ARL15: variants seen among roughly 807,000 people sequenced by gnomAD.
ARL15 encodes the protein ARF like GTPase 15, also known as ADP-ribosylation factor-like protein 15.
In ARL15, 19 loss-of-function variants were observed where a neutral mutation model predicts 25.2. That is an observed-to-expected ratio of 0.75 (90% confidence interval 0.53 to 1.10). ARL15 has a LOEUF of 1.10. Ranked by LOEUF, ARL15 falls within the 50% of genes least tolerant of loss-of-function variation. The probability of loss-of-function intolerance (pLI) is 0.00; values close to 1 mark genes in which losing one functional copy is unlikely to be tolerated. For synonymous variants in ARL15, 94 were observed against 86.8 expected (o/e 1.08, Z -0.46); for missense variants, 220 against 246.0 (o/e 0.89, Z 0.71).
intron 1 of ARL15, among the ~76,000 whole-genome samples, chr5:54,301,430 C>T (rs1344297316): frequency 6.6e-6 from 1 of 152,080 alleles, no homozygotes; most frequent in Non-Finnish European, 1.5e-5. Flanking sequence ...ATAGTGGTCA[C>T]CACTGAGAAG....
At chr5:54,083,527 T>C (rs1281724868) in intron 4 of ARL15, among the ~76,000 whole-genome samples, 1 of 152,204 alleles carries the variant, frequency 6.6e-6, no homozygotes, top group Non-Finnish European at 1.5e-5. Flanking sequence ...TATATACTGT[T>C]GCTTTGGGTC....
intron 4 of ARL15, among the ~76,000 whole-genome samples, chr5:54,058,016 A>ATTTT (rs869259794): frequency 2.4e-4 from 15 of 62,514 alleles, no homozygotes; most frequent in African/African-American, 6.0e-4. Context: ...TTATTTATTT[A>ATTTT]TTTTTTTTGA....
At chr5:54,069,731 TCTGCCTCCTGGATTCAAGCAATTCTC>T (rs1218741610) in intron 4 of ARL15, among the ~76,000 whole-genome samples, 49 of 151,872 alleles carry the variant, frequency 3.2e-4, no homozygotes, top group South Asian at 1.0e-3. Flanking sequence ...CACTGCAACC[TCTGCCTCCTGGATTCAAGCAATTCTC>T]CTGCCTCCTG....
chr5:54,086,248 C>T (rs1006394814), intron 4 of ARL15, among the ~76,000 whole-genome samples: 1 of 152,138 alleles, frequency 6.6e-6, no homozygotes, highest in Non-Finnish European at 1.5e-5. Flanking sequence ...GATACTTCAG[C>T]TAATCTGGGA....
chr5:54,166,339 C>T (rs1388913678), intron 2 of ARL15, among the ~76,000 whole-genome samples: 1 of 151,984 alleles, frequency 6.6e-6, no homozygotes, highest in East Asian at 1.9e-4. Flanking sequence ...GGACTACAGG[C>T]AAGCACCAAC....
intron 3 of ARL15, among the ~76,000 whole-genome samples, chr5:54,113,790 G>C (rs1437432372): frequency 6.6e-5 from 10 of 152,178 alleles, no homozygotes; most frequent in Admixed American, 5.2e-4. Context: ...ACCTGCCTCA[G>C]AGAGCTGCAT....
chr5:54,176,574 G>A (rs1245552236), intron 1 of ARL15, among the ~76,000 whole-genome samples: 3 of 152,096 alleles, frequency 2.0e-5, no homozygotes, highest in African/African-American at 7.2e-5. Context: ...TTTCACTGTT[G>A]TACAATGCGA....
At chr5:54,072,909 A>G (rs529103537) in intron 4 of ARL15, among the ~76,000 whole-genome samples, 1 of 152,284 alleles carries the variant, frequency 6.6e-6, no homozygotes, top group East Asian at 1.9e-4. Flanking sequence ...CACGCTGAAG[A>G]TGGTATCCTA....
intron 1 of ARL15, among the ~76,000 whole-genome samples, chr5:54,296,304 G>T (rs918368903): frequency 6.6e-6 from 1 of 152,174 alleles, no homozygotes; most frequent in African/African-American, 2.4e-5. Flanking sequence ...AGTACTTACA[G>T]AATTAGGCTC....
intron 4 of ARL15, among the ~76,000 whole-genome samples, chr5:53,913,883 A>G (rs1745542379): frequency 6.6e-6 from 1 of 152,124 alleles, no homozygotes; most frequent in African/African-American, 2.4e-5. Context: ...GCAAGTATTC[A>G]CGCTATCTTG....
chr5:54,229,452 C>A (rs930908786), intron 1 of ARL15, among the ~76,000 whole-genome samples: 2 of 152,056 alleles, frequency 1.3e-5, no homozygotes, highest in African/African-American at 4.8e-5. Context: ...AGCAAGCACA[C>A]AAATCAGAAT....
At chr5:53,896,389 C>G (rs1198058816) in intron 4 of ARL15, among the ~76,000 whole-genome samples, 1 of 151,968 alleles carries the variant, frequency 6.6e-6, no homozygotes, top group East Asian at 1.9e-4. Flanking sequence ...AAAGACTTTT[C>G]ATTAAGGAAA....
At chr5:54,026,314 G>C (rs927498085) in intron 4 of ARL15, among the ~76,000 whole-genome samples, 6 of 152,062 alleles carry the variant, frequency 3.9e-5, no homozygotes, top group African/African-American at 1.5e-4. Flanking sequence ...TGTCACCCAG[G>C]CTAGAGTGCA....
At chr5:54,113,085 C>A in intron 4 of ARL15, 117 bp downstream of exon 4, 1 of 998,374 alleles carries the variant, frequency 1.0e-6, no homozygotes, top group Non-Finnish European at 1.4e-6. Context: ...ACTAAGGTTT[C>A]ATGTTGAAAG....
At chr5:54,299,039 G>T (rs1758544462) in intron 1 of ARL15, among the ~76,000 whole-genome samples, 1 of 151,852 alleles carries the variant, frequency 6.6e-6, no homozygotes, top group South Asian at 2.1e-4. Flanking sequence ...AGGTAATTGG[G>T]GCCACCGGTG....
intron 1 of ARL15, among the ~76,000 whole-genome samples, chr5:54,241,287 C>G (rs945517304): frequency 2.0e-5 from 3 of 152,050 alleles, no homozygotes; most frequent in Non-Finnish European, 4.4e-5. Flanking sequence ...TAAAAAATCC[C>G]TAATCCAGAT....
intron 4 of ARL15, among the ~76,000 whole-genome samples, chr5:53,894,444 C>G (rs949423863): frequency 6.6e-6 from 1 of 152,162 alleles, no homozygotes; most frequent in Non-Finnish European, 1.5e-5. Flanking sequence ...ATCTGAAAAA[C>G]AGTCTTGTTT....
Position 54,266,385 on chromosome 5 carries a change from G to GA in ARL15, c.48+44046dup, listed in dbSNP as rs537347735. Among the ~76,000 whole-genome samples, 334 of 152,304 alleles carry GA rather than the reference G, an allele frequency of 2.2e-3. 1 individual carries two copies. Among genetic ancestry groups the GA allele is most frequent in the African/African-American group, 7.8e-3 (323 of 41,560 alleles). On this transcript the variant is annotated intron_variant, in intron 1 of 4. Coordinates refer to ENST00000504924, the MANE Select transcript of ARL15 (RefSeq NM_019087.3). Reference sequence around the variant, plus strand: ...GTTGAGAAAGAAGCAGATGTGTAGAGAAAAATCACAAAGTAGAGACAAAAA... The same window carrying GA: ...GTTGAGAAAGAAGCAGATGTGTAGAGAAAAAATCACAAAGTAGAGACAAAAA...
At chr5:53,990,356 A>G (rs1204947106) in intron 4 of ARL15, among the ~76,000 whole-genome samples, 1 of 152,246 alleles carries the variant, frequency 6.6e-6, no homozygotes, top group African/African-American at 2.4e-5. Flanking sequence ...TAAGCCAGGT[A>G]AAATCTGGAA....
Sources: gnomAD v4.1 joint callset for allele counts (sites outside exome capture counted in the v4.1 genomes callset) on GRCh38, gnomAD v4.1.1 for gene constraint, MANE v1.5 for transcripts, NCBI Gene and HGNC (gene_info 2026-07-23, HGNC 2026-07-21) for gene names.